ABCC1: variants seen among roughly 807,000 people sequenced by gnomAD.
ABCC1 encodes multidrug resistance-associated protein 1.
In ABCC1, 83 loss-of-function variants were observed where a neutral mutation model predicts 172.9. The ratio of observed to expected loss-of-function variants is 0.48; its 90% confidence interval spans 0.40 to 0.58. The LOEUF is 0.58. ABCC1 is among the 20% of genes least tolerant of loss of function. The pLI, the probability that ABCC1 is intolerant of heterozygous loss-of-function variation, is 0.00. For missense variants in ABCC1, 1,817 were observed against 2,002.7 expected (o/e 0.91, Z 1.77); for synonymous variants, 937 against 825.2 (o/e 1.14, Z -2.32).
chr16:16,114,824 CTGTCTGCACGT>C lies in ABCC1; in HGVS notation c.3139_3149del (p.Cys1047GlyfsTer15). 1 of 1,610,340 alleles carries C rather than the reference CTGTCTGCACGT, an allele frequency of 6.2e-7. No individual in the cohort carries two copies. Among genetic ancestry groups the C allele is most frequent in the Non-Finnish European group, 8.5e-7 (1 of 1,176,782 alleles). ...CCATCGGGGGGATCTTGGCTTCCCG[CTGTCTGCACGT>C]GGACCTGCTGCACAGCATCCTGCGG... On this transcript the variant is annotated frameshift_variant, in exon 23 of 31. Coordinates refer to ENST00000399410, the MANE Select transcript of ABCC1 (RefSeq NM_004996.4). LOFTEE classifies it high-confidence loss of function.
intron 14 of ABCC1, among the ~76,000 whole-genome samples, chr16:16,074,713 T>C (rs1367645010): frequency 6.6e-6 from 1 of 152,172 alleles, no homozygotes; most frequent in Non-Finnish European, 1.5e-5. Flanking sequence ...TTAAATTCCT[T>C]AAATAGCAAC....
chr16:16,140,706 C>T (rs190390297), intron 30 of ABCC1, among the ~76,000 whole-genome samples: 68 of 152,310 alleles, frequency 4.5e-4, no homozygotes, highest in African/African-American at 1.3e-3. Flanking sequence ...TTTATTGGCA[C>T]GCAGCCACAT....
Position 16,013,274 on chromosome 16 carries a change from T to TC in ABCC1, c.352-1217_352-1216insC, listed in dbSNP as rs1419355706. On this transcript the variant is annotated intron_variant, in intron 3 of 30. Transcript: ENST00000399410. ...GACAGGATGCAGCCAGCACATGTTT[T>TC]TTTTTTTTTTCTTTGAGATAGCGTC... Among the ~76,000 whole-genome samples, 3 of 151,202 alleles carry TC rather than the reference T, an allele frequency of 2.0e-5. No individual in the cohort carries two copies. In the South Asian group the frequency reaches 6.3e-4, roughly 32 times the overall value.
intron 1 of ABCC1, among the ~76,000 whole-genome samples, chr16:15,955,600 C>G (rs923736220): frequency 6.5e-4 from 99 of 152,274 alleles, no homozygotes; most frequent in African/African-American, 2.3e-3. Flanking sequence ...CCAGGCCTGT[C>G]CCTGCCTCAG....
intron 1 of ABCC1, among the ~76,000 whole-genome samples, chr16:16,001,142 TAGG>T (rs1174123854): frequency 6.6e-6 from 1 of 152,120 alleles, no homozygotes; most frequent in African/African-American, 2.4e-5. Context: ...GGAGAAATTG[TAGG>T]AGAAGTAGAT....
At position 16,051,169 on chromosome 16, in the gene ABCC1, G is replaced by GT. The variant is rs955224456; in HGVS notation, c.1381-1547dup. On this transcript the variant is annotated intron_variant, in intron 10 of 30. Transcript: ENST00000399410. ...GTCTTTTTTTTTTGTTCTTGTTATT[G>GT]TTTTTTTTGTTTTTTTAAGGGACAG... is the stretch of plus-strand genomic sequence containing the variant. Among the ~76,000 whole-genome samples the GT allele has an allele frequency of 1.2e-3, 185 of 150,762 alleles. 1 individual carries two copies. Among genetic ancestry groups the GT allele is most frequent in the African/African-American group, 3.5e-3 (143 of 41,078 alleles).
rs547299440 is a variant in ABCC1, at chr16:16,009,451, C to T, written c.226-325C>T. Among the ~76,000 whole-genome samples, 34 of 151,966 alleles carry T rather than the reference C, an allele frequency of 2.2e-4. No individual in the cohort carries two copies. In the South Asian group the frequency reaches 6.2e-3, roughly 28 times the overall value. On this transcript the variant is annotated intron_variant, in intron 2 of 30. Coordinates refer to ENST00000399410, the MANE Select transcript of ABCC1 (RefSeq NM_004996.4). ...TCGTGGAGGGCTTTCTTGTGCAGTG[C>T]GCCGGAGTTGCAGCTAGAGATGAGC...
At chr16:16,038,026 A>T (rs1337020759) in intron 7 of ABCC1, among the ~76,000 whole-genome samples, 1 of 146,544 alleles carries the variant, frequency 6.8e-6, no homozygotes, top group Admixed American at 6.7e-5. Flanking sequence ...ACAGTTCTTC[A>T]TGGAGACAGA....
intron 11 of ABCC1, among the ~76,000 whole-genome samples, chr16:16,055,225 G>C (rs547135062): frequency 5.9e-5 from 9 of 151,814 alleles, no homozygotes; most frequent in Admixed American, 2.0e-4. Flanking sequence ...GTGAGATGAT[G>C]TTTCCAAAAA....
At chr16:15,977,520 G>A (rs534221270) in intron 1 of ABCC1, among the ~76,000 whole-genome samples, 8 of 151,912 alleles carry the variant, frequency 5.3e-5, no homozygotes, top group African/African-American at 1.7e-4. Context: ...ATAGGCATGA[G>A]CCTCTGTGGC....
intron 5 of ABCC1, among the ~76,000 whole-genome samples, chr16:16,027,945 C>A (rs1263695785): frequency 1.3e-5 from 2 of 152,128 alleles, no homozygotes; most frequent in African/African-American, 4.8e-5. Flanking sequence ...AGGTACTATT[C>A]TAAGTACTTA....
At position 16,007,896 on chromosome 16, in the gene ABCC1, T is replaced by C. The variant is rs1404866722; in HGVS notation, c.129T>C (p.Cys43=). 5 of 1,613,374 alleles carry C rather than the reference T, an allele frequency of 3.1e-6. No homozygotes were observed. Among genetic ancestry groups the C allele is most frequent in the African/African-American group, 2.7e-5 (2 of 74,784 alleles). Residue 43 remains cysteine, a synonymous_variant, in exon 2 of 31, where the codon TGT becomes TGC. Coordinates refer to ENST00000399410, the MANE Select transcript of ABCC1 (RefSeq NM_004996.4). ...ACACGGTCCTCGTGTGGGTGCCTTG[T>C]TTTTACCTCTGGGCCTGTTTCCCCT... is the stretch of plus-strand genomic sequence containing the variant. ...FQNTVLVWVP[C]FYLWACFPFY...
intron 1 of ABCC1, among the ~76,000 whole-genome samples, chr16:15,975,240 T>C (rs1205269147): frequency 6.6e-6 from 1 of 152,192 alleles, no homozygotes; most frequent in Non-Finnish European, 1.5e-5. Context: ...TGGCCTCTCC[T>C]GGGGTGCAGG....
chr16:15,960,883 T>C (rs1749191011), intron 1 of ABCC1, among the ~76,000 whole-genome samples: 1 of 152,082 alleles, frequency 6.6e-6, no homozygotes, highest in African/African-American at 2.4e-5. Context: ...CACAATGGCT[T>C]GTGGTCCTGG....
Position 16,044,435 on chromosome 16 carries a change from C to T in ABCC1, c.810-15C>T. ...CTGGCAGACCCCACAACGGCTTCACCTCCTTGTGTTCCAGGCAGCCGGTGA... is the reference window on the plus strand; with the variant it reads ...CTGGCAGACCCCACAACGGCTTCACTTCCTTGTGTTCCAGGCAGCCGGTGA... On this transcript the variant is annotated splice_polypyrimidine_tract_variant and intron_variant, in intron 7 of 30. Transcript: ENST00000399410. 1.2e-6 allele frequency: 2 copies of T among 1,611,088 alleles called. No individual in the cohort carries two copies. Among genetic ancestry groups the T allele is most frequent in the South Asian group, 1.1e-5 (1 of 91,010 alleles).
intron 15 of ABCC1, 39 bp from the exon 16 acceptor site, chr16:16,079,313 A>G: frequency 6.2e-7 from 1 of 1,608,790 alleles, no homozygotes; most frequent in East Asian, 2.2e-5. Context: ...GGCAGGCCTC[A>G]TTCAGCGTGG....
intron 20 of ABCC1, among the ~76,000 whole-genome samples, chr16:16,104,026 C>T (rs2051925310): frequency 6.6e-6 from 1 of 152,144 alleles, no homozygotes. Context: ...AGTGTTACAG[C>T]TCTTAAGGTG....
chr16:15,985,840 C>T (rs542108848), intron 1 of ABCC1, among the ~76,000 whole-genome samples: 7 of 152,226 alleles, frequency 4.6e-5, no homozygotes, highest in African/African-American at 1.2e-4. Flanking sequence ...CCAAAATGTA[C>T]GGCTGGTGTT....
At chr16:15,994,515 G>A (rs2046986607) in intron 1 of ABCC1, among the ~76,000 whole-genome samples, 1 of 152,020 alleles carries the variant, frequency 6.6e-6, no homozygotes, top group South Asian at 2.1e-4. Context: ...TGTTATTATT[G>A]GCACCCAATA....
Sources: gnomAD v4.1 joint callset for allele counts (sites outside exome capture counted in the v4.1 genomes callset) on GRCh38, gnomAD v4.1.1 for gene constraint, MANE v1.5 for transcripts, NCBI Gene and HGNC (gene_info 2026-07-23, HGNC 2026-07-21) for gene names.